Variants in SYNPR observed in about 807,000 individuals in gnomAD.
The protein encoded by SYNPR is synaptoporin.
Under a neutral mutation model 32.9 loss-of-function variants are expected in SYNPR, and 23 were observed. The observed-to-expected ratio is 0.70, with a 90% confidence interval of 0.50 to 0.99. SYNPR has a LOEUF of 0.99. Among genes scored for constraint, SYNPR ranks in the 50% least tolerant of loss-of-function variants. SYNPR has a pLI of 0.00. For missense variants in SYNPR, 318 were observed against 349.3 expected (o/e 0.91, Z 0.71); for synonymous variants, 146 against 135.9 (o/e 1.07, Z -0.52).
At chr3:63,396,644 C>T (rs1285532685) in intron 2 of SYNPR, among the ~76,000 whole-genome samples, 1 of 152,182 alleles carries the variant, frequency 6.6e-6, no homozygotes, top group Non-Finnish European at 1.5e-5. Flanking sequence ...CTTCCTTCAG[C>T]TCAGGGACCA....
At chr3:63,443,081 C>A (rs1700210192) in intron 2 of SYNPR, 1 of 1,039,576 alleles carries the variant, frequency 9.6e-7, no homozygotes, top group South Asian at 3.9e-5. Flanking sequence ...TCGTGCAAAG[C>A]AGTCCTGCAC....
chr3:63,225,100 C>A (rs913845908), upstream of SYNPR, among the ~76,000 whole-genome samples: 2 of 152,152 alleles, frequency 1.3e-5, no homozygotes, highest in South Asian at 2.1e-4. Flanking sequence ...CCTGTGGGAG[C>A]CAGGACCTCT....
chr3:63,509,340 A>G (rs1038543288), intron 3 of SYNPR, among the ~76,000 whole-genome samples: 1 of 151,024 alleles, frequency 6.6e-6, no homozygotes, highest in African/African-American at 2.4e-5. Flanking sequence ...ACATATTCTT[A>G]TATATATACA....
intron 2 of SYNPR, among the ~76,000 whole-genome samples, chr3:63,457,364 T>C (rs570622142): frequency 6.6e-6 from 1 of 152,244 alleles, no homozygotes; most frequent in Non-Finnish European, 1.5e-5. Flanking sequence ...TTTTTTTATT[T>C]TTTATTTTTT....
At chr3:63,219,652 C>A in the SYNPR span, among the ~76,000 whole-genome samples, 1 of 152,086 alleles carries the variant, frequency 6.6e-6, no homozygotes, top group Middle Eastern at 3.4e-3. Context: ...ATTATATATA[C>A]TGTATTATCG....
rs62251435 is a variant in SYNPR at position 63,428,848 on chromosome 3, G to A, written c.85-51984G>A. Among the ~76,000 whole-genome samples the A allele has an allele frequency of 7.9e-3, 1,209 of 152,318 alleles. 9 individuals are homozygous for A. The highest frequency in any genetic ancestry group is 0.014 in the Middle Eastern group (4 of 294). On this transcript the variant is annotated intron_variant, in intron 2 of 5. Coordinates refer to ENST00000478300, the MANE Select transcript of SYNPR (RefSeq NM_001130003.2). ...TAAGACCTAGGCTCAGAATGTGCAC[G>A]ATTTCACTTCTGCCGTATGCTGTTG...
At chr3:63,560,280 C>T (rs956570519) in intron 4 of SYNPR, among the ~76,000 whole-genome samples, 6 of 152,118 alleles carry the variant, frequency 3.9e-5, no homozygotes, top group African/African-American at 1.2e-4. Flanking sequence ...GTCACAGAGG[C>T]AGATTGCATG....
chr3:63,297,244 G>A (rs1575589962), intron 2 of SYNPR, among the ~76,000 whole-genome samples: 1 of 152,126 alleles, frequency 6.6e-6, no homozygotes, highest in Non-Finnish European at 1.5e-5. Context: ...AACATTGGTG[G>A]CAGTGAGTTT....
intron 3 of SYNPR, among the ~76,000 whole-genome samples, chr3:63,495,330 G>C (rs1559516862): frequency 2.0e-5 from 3 of 152,114 alleles, no homozygotes; most frequent in Admixed American, 6.6e-5. Context: ...AGGGAAGAAG[G>C]AGATGAGCTG....
chr3:63,514,532 A>G (rs755721316), intron 3 of SYNPR, among the ~76,000 whole-genome samples: 9 of 152,150 alleles, frequency 5.9e-5, no homozygotes, highest in Non-Finnish European at 1.2e-4. Context: ...AGGCAGATAA[A>G]CAGCTTGTCT....
chr3:63,355,819 T>A (rs2087569800), intron 2 of SYNPR, among the ~76,000 whole-genome samples: 1 of 152,192 alleles, frequency 6.6e-6, no homozygotes, highest in Non-Finnish European at 1.5e-5. Flanking sequence ...TCATCCACCA[T>A]GTCTGAGCTG....
At chr3:63,408,196 G>GAAA (rs1560220853) in intron 2 of SYNPR, among the ~76,000 whole-genome samples, 493 of 31,884 alleles carry the variant, frequency 0.015, 40 homozygotes, top group South Asian at 0.023. Context: ...GAAAGAAAGA[G>GAAA]GAAGGAAGGA....
chr3:63,553,744 G>A (rs998084799), intron 3 of SYNPR, among the ~76,000 whole-genome samples: 14 of 151,958 alleles, frequency 9.2e-5, no homozygotes, highest in East Asian at 3.9e-4. Flanking sequence ...TTTTTGAGAC[G>A]GAGTTTCGCT....
chr3:63,400,432 T>A (rs1575625225), intron 2 of SYNPR, among the ~76,000 whole-genome samples: 1 of 152,198 alleles, frequency 6.6e-6, no homozygotes, highest in Non-Finnish European at 1.5e-5. Context: ...CCAAGATGGG[T>A]TACTCACACC....
chr3:63,605,929 G>A (rs1700112178), intron 4 of SYNPR, among the ~76,000 whole-genome samples: 1 of 152,198 alleles, frequency 6.6e-6, no homozygotes, highest in Non-Finnish European at 1.5e-5. Flanking sequence ...AGCCTTATAT[G>A]ATTTGTATTA....
At chr3:63,319,194 A>G (rs1449623354) in intron 2 of SYNPR, among the ~76,000 whole-genome samples, 6 of 152,116 alleles carry the variant, frequency 3.9e-5, no homozygotes, top group Middle Eastern at 6.8e-3. Context: ...CCTTTCTCCA[A>G]TGTATGTTTT....
the SYNPR span, among the ~76,000 whole-genome samples, chr3:63,219,261 A>T: frequency 1.3e-5 from 2 of 152,196 alleles, no homozygotes; most frequent in African/African-American, 4.8e-5. Flanking sequence ...CAATGTTGTA[A>T]GTCTGCGAGC....
chr3:63,305,555 T>A (rs2086901162), intron 2 of SYNPR, among the ~76,000 whole-genome samples: 1 of 152,040 alleles, frequency 6.6e-6, no homozygotes, highest in African/African-American at 2.4e-5. Context: ...TCTACCAGTT[T>A]TCAAACTACA....
intron 2 of SYNPR, among the ~76,000 whole-genome samples, chr3:63,469,604 T>C (rs1348726554): frequency 1.3e-5 from 2 of 152,236 alleles, no homozygotes; most frequent in African/African-American, 4.8e-5. Flanking sequence ...TATTTTATCT[T>C]ATTATTCCAT....
Sources: allele counts gnomAD v4.1 joint callset (sites outside exome capture counted in the v4.1 genomes callset), GRCh38; gene constraint gnomAD v4.1.1; transcripts MANE v1.5; gene names NCBI Gene and HGNC (gene_info 2026-07-23, HGNC 2026-07-21).